Variants in TUBB8 observed in about 807,000 individuals in gnomAD.
TUBB8 encodes the protein tubulin beta-8 chain.
TUBB8 carries 25 observed loss-of-function variants against 33.7 expected under a neutral mutation model. The observed-to-expected ratio is 0.74, with a 90% CI of 0.54 to 1.04. The LOEUF (loss-of-function observed/expected upper bound fraction) is 1.04. Ranked by LOEUF, TUBB8 falls within the 50% of genes least tolerant of loss-of-function variation. TUBB8 has a pLI of 0.00. For missense variants in TUBB8, 279 were observed against 608.0 expected, an observed-to-expected ratio of 0.46 and a Z score of 5.69; for synonymous variants, 245 against 240.1, an observed-to-expected ratio of 1.02 and a Z score of -0.19.
At chr10:50,521 C>T (rs372538545), upstream of TUBB8, among the ~76,000 whole-genome samples, 8 of 151,636 alleles carry the variant, frequency 5.3e-5, no homozygotes, top group East Asian at 1.9e-4. Context: ...TTTCCTTTTA[C>T]ATGGTCAGTC....
upstream of TUBB8, among the ~76,000 whole-genome samples, chr10:52,906 A>G (rs1448821235): frequency 6.6e-6 from 1 of 152,202 alleles, no homozygotes; most frequent in African/African-American, 2.4e-5. Flanking sequence ...CTCTAACACA[A>G]CAAGTATACT....
At chr10:65,445 C>A (rs1177726053) in intron 1 of TUBB8, among the ~76,000 whole-genome samples, 1 of 152,168 alleles carries the variant, frequency 6.6e-6, no homozygotes, top group Non-Finnish European at 1.5e-5. Context: ...GCTCAAGAGG[C>A]TGGGTGTGGT....
At chr10:64,505 C>T (rs1834644394) in intron 1 of TUBB8, among the ~76,000 whole-genome samples, 1 of 151,950 alleles carries the variant, frequency 6.6e-6, no homozygotes, top group African/African-American at 2.4e-5. Flanking sequence ...CCCTCACCCT[C>T]ACCCTCACCC....
upstream of TUBB8, chr10:50,147 G>A (rs1160486704): frequency 6.6e-6 from 1 of 152,366 alleles, no homozygotes; most frequent in Non-Finnish European, 1.5e-5. Flanking sequence ...ACTGGAGAAG[G>A]AGAAAATTGC....
At chr10:61,202 G>A (rs1348131658) in intron 1 of TUBB8, among the ~76,000 whole-genome samples, 1 of 152,054 alleles carries the variant, frequency 6.6e-6, no homozygotes, top group Non-Finnish European at 1.5e-5. Flanking sequence ...ATGTGCACAT[G>A]TACCCTAAAA....
chr10:55,233 A>T (rs1834515261), intron 1 of TUBB8, among the ~76,000 whole-genome samples: 2 of 152,178 alleles, frequency 1.3e-5, no homozygotes, highest in South Asian at 4.1e-4. Context: ...AAAACATCAG[A>T]TCTCATGAGA....
chr10:58,824 A>C (rs535575541), intron 1 of TUBB8, among the ~76,000 whole-genome samples: 1 of 152,336 alleles, frequency 6.6e-6, no homozygotes, highest in African/African-American at 2.4e-5. Flanking sequence ...AAACCCTATC[A>C]GAGGAGTCTT....
At chr10:50,581 A>G (rs1834454829), upstream of TUBB8, among the ~76,000 whole-genome samples, 1 of 152,172 alleles carries the variant, frequency 6.6e-6, no homozygotes, top group Non-Finnish European at 1.5e-5. Context: ...TTGGCAGCAA[A>G]GCAGCACTCT....
At chr10:59,774 T>C (rs1265285331) in intron 1 of TUBB8, among the ~76,000 whole-genome samples, 1 of 152,270 alleles carries the variant, frequency 6.6e-6, no homozygotes, top group African/African-American at 2.4e-5. Context: ...TCTGGTCCTA[T>C]AGACATTTTT....
chr10:51,155 G>C (rs1834464214), upstream of TUBB8, among the ~76,000 whole-genome samples: 1 of 152,160 alleles, frequency 6.6e-6, no homozygotes, highest in South Asian at 2.1e-4. Context: ...TTATTTTTGA[G>C]ACAGAGTCTT....
In TUBB8 at chr10:47,588, G is replaced by A. The variant is rs200635479; in HGVS notation, c.804C>T (p.Pro268=). 0.028 allele frequency: 45,462 copies of A among 1,609,704 alleles called. 461 individuals are homozygous for A. Among genetic ancestry groups the A allele is most frequent in the Middle Eastern group, 0.053 (247 of 4,688 alleles). The change falls in exon 4 of 4, where the codon CCC becomes CCT. Residue 268 remains proline, a synonymous_variant. Coordinates refer to ENST00000568584, the MANE Select transcript of TUBB8 (RefSeq NM_177987.3). ...CCCGGCTGGTCAGTGGGGCAAAGCC[G>A]GGCATGAAGAAATGCAGCCGGGGAA... is the stretch of plus-strand genomic sequence containing the variant. ...VPFPRLHFFM[P]GFAPLTSRGS... is the part of the protein sequence containing the mutation.
chr10:74,640 A>AAAAG (rs1313481625), upstream of TUBB8, among the ~76,000 whole-genome samples: 3 of 148,074 alleles, frequency 2.0e-5, no homozygotes, highest in Non-Finnish European at 4.5e-5. Context: ...AAAAAAAAAA[A>AAAAG]AAAGAAAGAA....
At chr10:68,839 C>T (rs11253204) in intron 1 of TUBB8, among the ~76,000 whole-genome samples, 40,305 of 151,486 alleles carry the variant, frequency 0.27, 5,581 homozygotes, top group Middle Eastern at 0.4. Context: ...CTGCCTGCCC[C>T]AAGTGGGAGA....
At chr10:65,471 T>A (rs1834658664) in intron 1 of TUBB8, among the ~76,000 whole-genome samples, 1 of 152,226 alleles carries the variant, frequency 6.6e-6, no homozygotes. Context: ...ACACCTGAAA[T>A]CCCAGCACTT....
intron 1 of TUBB8, among the ~76,000 whole-genome samples, chr10:73,550 G>A (rs1834765673): frequency 1.3e-5 from 2 of 152,124 alleles, no homozygotes; most frequent in Admixed American, 6.5e-5. Flanking sequence ...GGCTGAGGCA[G>A]GAGAATCGCT....
At chr10:72,703 A>T (rs1172140835) in intron 1 of TUBB8, among the ~76,000 whole-genome samples, 1 of 151,992 alleles carries the variant, frequency 6.6e-6, no homozygotes, top group African/African-American at 2.4e-5. Flanking sequence ...ATACAAAAAA[A>T]TTAGCAGGGC....
Position 72,207 on chromosome 10 carries a change from A to G in TUBB8, c.-846+1762T>C, listed in dbSNP as rs1834745932. The stretch of plus-strand genomic sequence containing the variant: ...GACATTGCACTTTAGCCTGGGCAAC[A>G]GGAGCTAAACTCTGTCTCAAAAAAC... On this transcript the variant is annotated intron_variant, in intron 1 of 3. Transcript: ENST00000564130. Among the ~76,000 whole-genome samples the G allele has an allele frequency of 3.3e-5, 5 of 151,346 alleles. No individual in the cohort carries two copies. The South Asian group carries it at 1.0e-3, about 32-fold the overall frequency.
At chr10:76,394 C>T (rs558922222), upstream of TUBB8, among the ~76,000 whole-genome samples, 27 of 152,150 alleles carry the variant, frequency 1.8e-4, no homozygotes, top group South Asian at 2.9e-3. Context: ...AGTCTGGGTA[C>T]AAATGGCCAG....
In TUBB8 at chr10:47,718, A is replaced by C. The variant is rs1554738330; in HGVS notation, c.674T>G (p.Leu225Arg). The change falls in exon 4 of 4, where the codon CTG becomes CGG. Residue 225 changes from leucine to arginine, a missense_variant. This residue lies in a region of TUBB8 where 96 missense variants were observed against 233.7 expected (regional missense o/e 0.41). Transcript: ENST00000568584. ...CATGGTAGCAGACACCAGGTGGTTC[A>C]GGTCACCATAGGTGGGTGTGGGCAG... is the stretch of plus-strand genomic sequence containing the variant. ...LKLPTPTYGD[L>R]NHLVSATMSG... The C allele has an allele frequency of 6.2e-7, 1 of 1,612,826 alleles. No homozygotes were observed. Among genetic ancestry groups the C allele is most frequent in the East Asian group, 2.2e-5 (1 of 44,878 alleles).
Sources: allele counts gnomAD v4.1 joint callset (sites outside exome capture counted in the v4.1 genomes callset), GRCh38; gene constraint gnomAD v4.1.1; regional missense constraint gnomAD v4.1.1; transcripts MANE v1.5; gene names NCBI Gene and HGNC (gene_info 2026-07-23, HGNC 2026-07-21).